The following KIF16B variants were observed in gnomAD, a reference collection of about 807,000 sequenced individuals.
KIF16B encodes the protein kinesin family member 16B, also known as kinesin-like protein KIF16B.
A neutral mutation model predicts 156.3 loss-of-function variants in KIF16B; 98 were observed. The observed-to-expected ratio is 0.63, with a 90% CI of 0.53 to 0.74. KIF16B has a LOEUF of 0.74. Among genes scored for constraint, KIF16B ranks in the 30% least tolerant of loss-of-function variants. The probability of loss-of-function intolerance (pLI) is 0.00; values close to 1 mark genes in which losing one functional copy is unlikely to be tolerated. For synonymous variants in KIF16B, 564 were observed against 583.7 expected (o/e 0.97, Z 0.49); for missense variants, 1,421 against 1,606.5 (o/e 0.88, Z 1.97).
In KIF16B at chr20:16,273,146, C is replaced by T; in HGVS notation, c.*107G>A. On this transcript the variant is annotated 3_prime_UTR_variant, in exon 26 of 26. Coordinates refer to ENST00000354981, the MANE Select transcript of KIF16B (RefSeq NM_024704.5). Reference sequence around the variant, plus strand: ...GGGCCCGCTGCTGCATGTCTGTCTTCAGCAGGAGGAGGCAGACCCGGATCC... The same window carrying T: ...GGGCCCGCTGCTGCATGTCTGTCTTTAGCAGGAGGAGGCAGACCCGGATCC... 3.2e-6 allele frequency: 3 copies of T among 942,386 alleles called. No homozygotes were observed. Among genetic ancestry groups the T allele is most frequent in the Non-Finnish European group, 5.0e-6 (3 of 596,072 alleles). The allele number at this position is 942,386 out of a possible 1,614,324, so 58.4% of individuals were successfully genotyped here. A position where few individuals can be genotyped will look rare whatever the true frequency, so the allele number is the denominator to read the frequency against.
intron 25 of KIF16B, among the ~76,000 whole-genome samples, chr20:16,278,414 A>G (rs2063096362): frequency 1.3e-5 from 2 of 152,254 alleles, no homozygotes; most frequent in African/African-American, 4.8e-5. Flanking sequence ...TGTGACTTGG[A>G]CCAATACTGA....
At chr20:16,500,763 C>T (rs1375351917) in intron 10 of KIF16B, among the ~76,000 whole-genome samples, 6 of 151,964 alleles carry the variant, frequency 3.9e-5, no homozygotes, top group Non-Finnish European at 8.8e-5. Flanking sequence ...ACTTTGTGAC[C>T]CTATCTGAGA....
rs139491901 is a variant in KIF16B at position 16,341,025 on chromosome 20, C to T, written c.3622-5010G>A. 3.9e-5 allele frequency among the ~76,000 whole-genome samples: 6 copies of T among 152,294 alleles called. No homozygotes were observed. The East Asian group carries it at 1.2e-3, about 29-fold the overall frequency. On this transcript the variant is annotated intron_variant, in intron 23 of 25. Coordinates refer to ENST00000354981, the MANE Select transcript of KIF16B (RefSeq NM_024704.5). The stretch of plus-strand genomic sequence containing the variant: ...TTCTGCCTTAATACCACCCTCCACC[C>T]TTGAGTGCTTATAATAGAAGGTGGG...
intron 12 of KIF16B, among the ~76,000 whole-genome samples, chr20:16,464,678 G>A (rs996478637): frequency 6.6e-6 from 1 of 152,280 alleles, no homozygotes; most frequent in South Asian, 2.1e-4. Flanking sequence ...AAGCACGGCT[G>A]CAGCTTATAA....
rs140790103 is a variant in KIF16B, at chr20:16,474,732, T to C, written c.1302+19559A>G. 3.3e-5 allele frequency among the ~76,000 whole-genome samples: 5 copies of C among 152,328 alleles called. No homozygotes were observed. In the East Asian group the frequency reaches 9.7e-4, roughly 29 times the overall value. ...TAAGGGAGAGACCAAGAGAATTACA[T>C]AGACCTCAGCTCTGGCAACTATGTA... is the stretch of plus-strand genomic sequence containing the variant. On this transcript the variant is annotated intron_variant, in intron 12 of 25. Coordinates refer to ENST00000354981, the MANE Select transcript of KIF16B (RefSeq NM_024704.5).
At position 16,506,105 on chromosome 20, in the gene KIF16B, G is replaced by T; in HGVS notation, c.785C>A (p.Thr262Asn). The change falls in exon 8 of 26, where the codon ACC becomes AAC. Residue 262 changes from threonine to asparagine, a missense_variant. Coordinates refer to ENST00000354981, the MANE Select transcript of KIF16B (RefSeq NM_024704.5). ...DLAGSERADA[T>N]GATGVRLKEG... ...CTTTAGCCTAACCCCGGTGGCTCCG[G>T]TGGCATCTGCACGCTCACTTCCGGC... 6.2e-7 allele frequency: 1 copy of T among 1,614,068 alleles called. No homozygotes were observed. The highest frequency in any genetic ancestry group is 8.5e-7 in the Non-Finnish European group (1 of 1,179,966).
chr20:16,500,797 CAT>C (rs1057126632), intron 10 of KIF16B, among the ~76,000 whole-genome samples: 10 of 152,126 alleles, frequency 6.6e-5, no homozygotes, highest in South Asian at 2.1e-4. Flanking sequence ...AAAGTTTACA[CAT>C]GATACTTTTA....
intron 11 of KIF16B, among the ~76,000 whole-genome samples, chr20:16,495,679 G>A (rs1600541836): frequency 6.6e-6 from 1 of 152,060 alleles, no homozygotes. Flanking sequence ...TTGTTTTCTT[G>A]TTGTTGTTGT....
At position 16,504,315 on chromosome 20, in the gene KIF16B, T is replaced by G; in HGVS notation, c.1176+57A>C. 1.9e-6 allele frequency: 3 copies of G among 1,542,348 alleles called. No individual in the cohort carries two copies. The South Asian group carries it at 3.4e-5, about 18-fold the overall frequency. On this transcript the variant is annotated intron_variant, in intron 10 of 25. Coordinates refer to ENST00000354981, the MANE Select transcript of KIF16B (RefSeq NM_024704.5). ...GTGAGAAAATTGTCTCATTAAGATC[T>G]AGAAATAGATGCCATTACTCAAAGA...
chr20:16,533,192 A>T (rs2069823041), intron 1 of KIF16B, among the ~76,000 whole-genome samples: 1 of 152,170 alleles, frequency 6.6e-6, no homozygotes, highest in Non-Finnish European at 1.5e-5. Context: ...AGCAGGAGGC[A>T]GTTTCACTAT....
rs1417810148 is a variant in KIF16B, at chr20:16,428,948, C to T, written c.1474+5G>A. On this transcript the variant is annotated splice_donor_5th_base_variant and intron_variant, in intron 14 of 25. Transcript: ENST00000354981. The stretch of plus-strand genomic sequence containing the variant: ...TGGGAACAGATCACTGATAAATATG[C>T]TCACCAATATCTTGCTCCGTGGAAG... 1.2e-6 allele frequency: 2 copies of T among 1,612,252 alleles called. No individual in the cohort carries two copies. The highest frequency in any genetic ancestry group is 1.1e-5 in the South Asian group (1 of 91,028).
intron 12 of KIF16B, among the ~76,000 whole-genome samples, chr20:16,453,659 A>G (rs527708495): frequency 2.6e-5 from 4 of 152,348 alleles, no homozygotes; most frequent in African/African-American, 9.6e-5. Context: ...ATAGGAACAT[A>G]TTTCACGGAA....
chr20:16,399,982 C>T (rs371962437), intron 17 of KIF16B, among the ~76,000 whole-genome samples: 10 of 152,290 alleles, frequency 6.6e-5, no homozygotes, highest in African/African-American at 2.4e-4. Flanking sequence ...CTTGTGCTGC[C>T]CAGCCAATTT....
At chr20:16,554,716 G>T (rs1600689245) in intron 1 of KIF16B, among the ~76,000 whole-genome samples, 1 of 152,204 alleles carries the variant, frequency 6.6e-6, no homozygotes, top group African/African-American at 2.4e-5. Flanking sequence ...GGGAGCCCAG[G>T]CCTAGGAGCT....
chr20:16,403,012 C>T (rs531929962), intron 17 of KIF16B, among the ~76,000 whole-genome samples: 5 of 152,310 alleles, frequency 3.3e-5, no homozygotes, highest in South Asian at 4.1e-4. Context: ...TGGCTAGTGA[C>T]CCTGTGCTCA....
At chr20:16,382,573 T>C (rs1009870083) in intron 17 of KIF16B, among the ~76,000 whole-genome samples, 6 of 152,196 alleles carry the variant, frequency 3.9e-5, no homozygotes, top group African/African-American at 1.4e-4. Flanking sequence ...GTGATTTAGG[T>C]CATTGGGAAT....
At position 16,406,290 on chromosome 20, in the gene KIF16B, A is replaced by C. The variant is rs926272396; in HGVS notation, c.1695+84T>G. 8.8e-5 allele frequency: 105 copies of C among 1,193,004 alleles called. 1 individual carries two copies. Among genetic ancestry groups the C allele is most frequent in the Non-Finnish European group, 1.2e-4 (98 of 799,942 alleles). 73.9% of individuals were successfully genotyped at this position (1,193,004 alleles called of 1,614,324 possible). ...CCACGGTTCTGCACCCCAGAAAGTC[A>C]AAAGATTGGAACCAGAGTGACCACC... On this transcript the variant is annotated intron_variant, in intron 16 of 25. Coordinates refer to ENST00000354981, the MANE Select transcript of KIF16B (RefSeq NM_024704.5).
rs74870634 is a variant in KIF16B at position 16,570,089 on chromosome 20, A to G, written c.47+3140T>C. Among the ~76,000 whole-genome samples, 663 of 152,218 alleles carry G rather than the reference A, an allele frequency of 4.4e-3. 5 individuals carry two copies. The highest frequency in any genetic ancestry group is 0.015 in the African/African-American group (615 of 41,538). On this transcript the variant is annotated intron_variant, in intron 1 of 25. Transcript: ENST00000354981. ...ACCTTGGAACTCTTTTAAGATCAAC[A>G]CCCTCTTTTTAAGACTTGCATAATA... is the stretch of plus-strand genomic sequence containing the variant.
At chr20:16,429,082 A>G (rs2066432635) in intron 13 of KIF16B, 78 bp from the exon 14 acceptor site, 5 of 1,240,880 alleles carry the variant, frequency 4.0e-6, no homozygotes. Context: ...ATTGAAGCCC[A>G]AACAACATAG....
Sources: allele counts gnomAD v4.1 joint callset (sites outside exome capture counted in the v4.1 genomes callset), GRCh38; gene constraint gnomAD v4.1.1; transcripts MANE v1.5; gene names NCBI Gene and HGNC (gene_info 2026-07-23, HGNC 2026-07-21).